TNR: variants seen among roughly 807,000 people sequenced by gnomAD.
TNR encodes tenascin R.
A neutral mutation model predicts 150.4 loss-of-function variants in TNR; 45 were observed. The observed-to-expected ratio is 0.30, with a 90% CI of 0.24 to 0.38. TNR has a LOEUF of 0.38. Among genes scored for constraint, TNR ranks in the 10% least tolerant of loss-of-function variants. TNR has a pLI of 1.00. For missense variants in TNR, 1,544 were observed against 1,759.1 expected, an observed-to-expected ratio of 0.88 and a Z score of 2.19; for synonymous variants, 687 against 678.4, an observed-to-expected ratio of 1.01 and a Z score of -0.20.
At chr1:175,472,836 G>A (rs1041286291) in intron 2 of TNR, among the ~76,000 whole-genome samples, 4 of 152,166 alleles carry the variant, frequency 2.6e-5, no homozygotes, top group African/African-American at 9.7e-5. Context: ...CTGGGCTTGT[G>A]ATGAATCAGG....
At chr1:175,522,423 G>A (rs918302361) in intron 2 of TNR, among the ~76,000 whole-genome samples, 1 of 152,210 alleles carries the variant, frequency 6.6e-6, no homozygotes, top group Admixed American at 6.5e-5. Flanking sequence ...GGAAGGAGAT[G>A]GGGGATGAAA....
Position 175,379,628 on chromosome 1 carries a change from G to A in TNR, c.1887C>T (p.Ser629=). 1 of 1,614,196 alleles carries A rather than the reference G, an allele frequency of 6.2e-7. No individual in the cohort carries two copies. Among genetic ancestry groups the A allele is most frequent in the Non-Finnish European group, 8.5e-7 (1 of 1,180,034 alleles). The change falls in exon 9 of 23, where the codon AGC becomes AGT. Residue 629 remains serine, a synonymous_variant. Transcript: ENST00000367674. ...AEVQEYKVVY[S]TLAGEQYHEV... ...CATGATATTGCTCACCCGCCAGGGTGCTGTACACAACCTTGTACTCCTGAA... is the reference window on the plus strand; with the variant it reads ...CATGATATTGCTCACCCGCCAGGGTACTGTACACAACCTTGTACTCCTGAA...
At chr1:175,632,394 A>T (rs1177625045) in intron 1 of TNR, among the ~76,000 whole-genome samples, 1 of 152,224 alleles carries the variant, frequency 6.6e-6, no homozygotes, top group Admixed American at 6.5e-5. Context: ...ATCTCACCAC[A>T]TGATCATTGA....
chr1:175,560,140 C>A (rs1294351597), intron 1 of TNR, among the ~76,000 whole-genome samples: 1 of 152,190 alleles, frequency 6.6e-6, no homozygotes, highest in Non-Finnish European at 1.5e-5. Context: ...CCAGTCTGTA[C>A]CTGCTCAGCT....
At chr1:175,709,076 A>G (rs1210466810) in intron 1 of TNR, among the ~76,000 whole-genome samples, 1 of 152,204 alleles carries the variant, frequency 6.6e-6, no homozygotes, top group East Asian at 1.9e-4. Flanking sequence ...AGGCCTTTCC[A>G]TGAGATGACC....
Position 175,522,208 on chromosome 1 carries a change from G to T in TNR, c.-64+6061C>A, listed in dbSNP as rs185693099. ...TGCTGGATGCCATGTGGGCTTAGAA[G>T]ATTTCTGACTCCTAGTTTCCTAGGA... On this transcript the variant is annotated intron_variant, in intron 2 of 22. Transcript: ENST00000367674. Among the ~76,000 whole-genome samples, 8 of 152,304 alleles carry T rather than the reference G, an allele frequency of 5.3e-5. No individual in the cohort carries two copies. The East Asian group carries it at 1.5e-3, about 29-fold the overall frequency.
intron 8 of TNR, among the ~76,000 whole-genome samples, chr1:175,381,929 A>G (rs1652697862): frequency 6.6e-6 from 1 of 152,120 alleles, no homozygotes; most frequent in African/African-American, 2.4e-5. Flanking sequence ...CTTGAAACTC[A>G]TCAAGCTTAT....
At chr1:175,473,915 G>A (rs572617500) in intron 2 of TNR, among the ~76,000 whole-genome samples, 17 of 152,150 alleles carry the variant, frequency 1.1e-4, no homozygotes, top group Non-Finnish European at 2.2e-4. Flanking sequence ...ATTCATGGCC[G>A]CCTGTATGCT....
At chr1:175,382,906 A>C (rs1438025777) in intron 8 of TNR, among the ~76,000 whole-genome samples, 1 of 151,994 alleles carries the variant, frequency 6.6e-6, no homozygotes, top group Non-Finnish European at 1.5e-5. Flanking sequence ...ATCTCAAAAA[A>C]AAAAAAAAAG....
At position 175,715,317 on chromosome 1, in the gene TNR, G is replaced by A. The variant is rs369488591; in HGVS notation, c.-165+27909C>T. ...AGTCTTTTTATTTAGGGTATGAAGG[G>A]CCCATAAATGCTAAAATGTTATTTT... On this transcript the variant is annotated intron_variant, in intron 1 of 22. Coordinates refer to ENST00000367674, the MANE Select transcript of TNR (RefSeq NM_003285.3). Among the ~76,000 whole-genome samples, 6 of 152,168 alleles carry A rather than the reference G, an allele frequency of 3.9e-5. No homozygotes were observed. The East Asian group carries it at 7.7e-4, about 20-fold the overall frequency.
intron 2 of TNR, among the ~76,000 whole-genome samples, chr1:175,466,509 C>T (rs1657041581): frequency 6.6e-6 from 1 of 152,176 alleles, no homozygotes; most frequent in Non-Finnish European, 1.5e-5. Context: ...ACAAGCACCC[C>T]TTGCAAGAGA....
At chr1:175,617,042 C>A (rs1663799659) in intron 1 of TNR, among the ~76,000 whole-genome samples, 1 of 152,232 alleles carries the variant, frequency 6.6e-6, no homozygotes, top group Admixed American at 6.5e-5. Flanking sequence ...TAAATTCATT[C>A]CTCCCACTCT....
chr1:175,562,047 A>AT (rs1379246822), intron 1 of TNR, among the ~76,000 whole-genome samples: 1 of 152,236 alleles, frequency 6.6e-6, no homozygotes, highest in Non-Finnish European at 1.5e-5. Flanking sequence ...TGGAAGAAGG[A>AT]TAAGAGGGCT....
chr1:175,379,944 AGATCAATACACTTTAT>A lies in TNR; in HGVS notation c.1778-223_1778-208del, dbSNP rs1302013576. 9.2e-5 allele frequency among the ~76,000 whole-genome samples: 14 copies of A among 152,286 alleles called. No individual in the cohort carries two copies. In the East Asian group the frequency reaches 2.7e-3, roughly 29 times the overall value. On this transcript the variant is annotated intron_variant, in intron 8 of 22. Coordinates refer to ENST00000367674, the MANE Select transcript of TNR (RefSeq NM_003285.3). ...GGTTAGAGTGATACTTGGGAGCTGA[AGATCAATACACTTTAT>A]GCTTCCCCCATTTCCATTCAAGAGT... is the stretch of plus-strand genomic sequence containing the variant.
chr1:175,696,640 G>A (rs978890184), intron 1 of TNR, among the ~76,000 whole-genome samples: 2 of 152,178 alleles, frequency 1.3e-5, no homozygotes, highest in Admixed American at 1.3e-4. Context: ...AGAACTTTGG[G>A]AGGCCAAGGC....
At chr1:175,518,797 C>T (rs1029967774) in intron 2 of TNR, among the ~76,000 whole-genome samples, 11 of 152,178 alleles carry the variant, frequency 7.2e-5, no homozygotes, top group Admixed American at 2.6e-4. Context: ...GTTGCCCTCA[C>T]CTTCTCCTTT....
intron 9 of TNR, among the ~76,000 whole-genome samples, chr1:175,371,990 GT>G (rs1343983878): frequency 6.6e-6 from 1 of 151,868 alleles, no homozygotes; most frequent in Admixed American, 6.6e-5. Flanking sequence ...AGTGGGAGGT[GT>G]TTGGGTCATG....
intron 9 of TNR, among the ~76,000 whole-genome samples, chr1:175,376,860 T>TATATATATA (rs1553211469): frequency 0.091 from 10,285 of 113,300 alleles, 460 homozygotes; most frequent in Non-Finnish European, 0.12. Flanking sequence ...AAATGTAATA[T>TATATATATA]TATATATATA....
Position 175,587,835 on chromosome 1 carries a change from C to A in TNR, c.-164-59466G>T, listed in dbSNP as rs144480840. On this transcript the variant is annotated intron_variant, in intron 1 of 22. Transcript: ENST00000367674. ...AAAAAGAAAGCCCTTTTGCTCTACT[C>A]TGGTCTGATCAGCCTGTGCAGGTTG... Among the ~76,000 whole-genome samples the A allele has an allele frequency of 3.3e-5, 5 of 152,332 alleles. No individual in the cohort carries two copies. In the East Asian group the frequency reaches 9.6e-4, roughly 29 times the overall value.
Sources: gnomAD v4.1 joint callset for allele counts (sites outside exome capture counted in the v4.1 genomes callset) on GRCh38, gnomAD v4.1.1 for gene constraint, MANE v1.5 for transcripts, NCBI Gene and HGNC (gene_info 2026-07-23, HGNC 2026-07-21) for gene names.